FHL5: variants seen among roughly 807,000 people sequenced by gnomAD.
FHL5 encodes the protein four and a half LIM domains protein 5.
FHL5 carries 33 observed loss-of-function variants against 32.0 expected under a neutral mutation model. The observed-to-expected ratio is 1.03, with a 90% CI of 0.78 to 1.38. The LOEUF (loss-of-function observed/expected upper bound fraction) is 1.38. Ranked by LOEUF, FHL5 falls within the 40% of genes most tolerant of loss-of-function variation. The pLI, the probability that FHL5 is intolerant of heterozygous loss-of-function variation, is 0.00. For synonymous variants in FHL5, 114 were observed against 113.6 expected, an observed-to-expected ratio of 1.00 and a Z score of -0.02; for missense variants, 336 against 343.9, an observed-to-expected ratio of 0.98 and a Z score of 0.18.
At chr6:96,599,490 G>A (rs1390455214) in intron 1 of FHL5, among the ~76,000 whole-genome samples, 4 of 152,048 alleles carry the variant, frequency 2.6e-5, no homozygotes, top group Non-Finnish European at 5.9e-5. Context: ...CCACAGCACA[G>A]CCAAACTTAC....
At chr6:96,588,066 A>G (rs1456642945) in intron 1 of FHL5, among the ~76,000 whole-genome samples, 1 of 152,226 alleles carries the variant, frequency 6.6e-6, no homozygotes, top group African/African-American at 2.4e-5. Flanking sequence ...TTTCTCTCAA[A>G]TTTACACACT....
At chr6:96,587,445 TTA>T in intron 1 of FHL5, among the ~76,000 whole-genome samples, 1 of 152,318 alleles carries the variant, frequency 6.6e-6, no homozygotes, top group Middle Eastern at 3.4e-3. Context: ...TAGGAATGGA[TTA>T]TATGGCTGAT....
At chr6:96,593,841 A>T (rs899488628) in intron 1 of FHL5, among the ~76,000 whole-genome samples, 9 of 152,120 alleles carry the variant, frequency 5.9e-5, no homozygotes, top group Non-Finnish European at 1.3e-4. Flanking sequence ...CTTTTTAAGT[A>T]CACTTTTTAA....
intron 5 of FHL5, among the ~76,000 whole-genome samples, chr6:96,614,334 A>C (rs1252138734): frequency 6.6e-6 from 1 of 152,208 alleles, no homozygotes; most frequent in Non-Finnish European, 1.5e-5. Flanking sequence ...TAAGGGAATT[A>C]AGTAGTACAT....
chr6:96,614,661 C>G (rs1057338809), intron 5 of FHL5, among the ~76,000 whole-genome samples: 1 of 152,116 alleles, frequency 6.6e-6, no homozygotes, highest in Non-Finnish European at 1.5e-5. Flanking sequence ...ACTAAGATTA[C>G]TGGGAGAAAA....
intron 5 of FHL5, among the ~76,000 whole-genome samples, chr6:96,613,202 T>C (rs1481838601): frequency 1.3e-5 from 2 of 149,488 alleles, no homozygotes; most frequent in African/African-American, 2.5e-5. Flanking sequence ...TACAAAAACA[T>C]GTTATATAAT....
intron 1 of FHL5, among the ~76,000 whole-genome samples, chr6:96,567,560 G>A (rs1770383263): frequency 6.6e-6 from 1 of 151,620 alleles, no homozygotes; most frequent in Non-Finnish European, 1.5e-5. Flanking sequence ...CATTGAATTG[G>A]TAGATCACTT....
At chr6:96,564,885 G>T (rs1770319381) in intron 1 of FHL5, among the ~76,000 whole-genome samples, 2 of 152,052 alleles carry the variant, frequency 1.3e-5, no homozygotes, top group South Asian at 2.1e-4. Context: ...TGAAGGAGAG[G>T]AAGAGAAGAA....
chr6:96,578,607 CG>C (rs1196835647), intron 1 of FHL5, among the ~76,000 whole-genome samples: 1 of 152,024 alleles, frequency 6.6e-6, no homozygotes, highest in African/African-American at 2.4e-5. Context: ...TTTGGGAGGT[CG>C]AGGTGGGAGA....
chr6:96,599,964 T>C (rs1010526318), intron 1 of FHL5, among the ~76,000 whole-genome samples: 17 of 152,180 alleles, frequency 1.1e-4, no homozygotes, highest in Admixed American at 9.2e-4. Context: ...AATCACATAG[T>C]CCTCATCCTC....
At chr6:96,605,044 C>T (rs1771243974) in intron 3 of FHL5, 120 bp downstream of exon 3, 1 of 580,996 alleles carries the variant, frequency 1.7e-6, no homozygotes, top group South Asian at 3.2e-5. Context: ...ATCTTTCTTA[C>T]TCTCTCAATC....
At chr6:96,596,034 A>G (rs1178649557) in intron 1 of FHL5, among the ~76,000 whole-genome samples, 28 of 152,002 alleles carry the variant, frequency 1.8e-4, no homozygotes, top group Admixed American at 1.8e-3. Flanking sequence ...TTTTAGGCCT[A>G]GGATGATGGG....
chr6:96,586,539 T>C (rs138177656), intron 1 of FHL5, among the ~76,000 whole-genome samples: 20 of 152,250 alleles, frequency 1.3e-4, no homozygotes, highest in African/African-American at 4.8e-4. Flanking sequence ...GGAAGAAAGG[T>C]GAACTAATTT....
chr6:96,617,584 T>G lies in FHL5; in HGVS notation c.*1812T>G, dbSNP rs1771548842. 6.6e-6 allele frequency among the ~76,000 whole-genome samples: 1 copy of G among 152,206 alleles called. No homozygotes were observed. The highest frequency in any genetic ancestry group is 2.4e-5 in the African/African-American group (1 of 41,444). On this transcript the variant is annotated 3_prime_UTR_variant, in exon 6 of 6. Coordinates refer to ENST00000450218, the MANE Select transcript of FHL5 (RefSeq NM_001322466.2). ...CTATCAATATTTTTTCTGCATTATA[T>G]GAAATTTCACAGGTAGAACTAAATC...
At chr6:96,574,532 C>T (rs935220788) in intron 1 of FHL5, among the ~76,000 whole-genome samples, 34 of 152,008 alleles carry the variant, frequency 2.2e-4, no homozygotes, top group African/African-American at 7.3e-4. Flanking sequence ...AATGTAAAAG[C>T]GATGCTTAGG....
At chr6:96,615,499 G>A in intron 5 of FHL5, 110 bp from the exon 6 acceptor site, 1 of 800,372 alleles carries the variant, frequency 1.2e-6, no homozygotes, top group South Asian at 2.6e-5. Context: ...ATTTGCCTCT[G>A]CGTTGTTTTG....
chr6:96,584,461 T>TTG (rs781665593), intron 1 of FHL5, among the ~76,000 whole-genome samples: 4,227 of 85,198 alleles, frequency 0.05, 94 homozygotes, highest in South Asian at 0.066. Context: ...GTGTGTGTGT[T>TTG]TGTGTGTGTG....
rs770259141 is a variant in FHL5 at position 96,615,768 on chromosome 6, T to A, written c.851T>A (p.Ile284Asn). Reference sequence around the variant, plus strand: ...TGTGGCTCCGGAATGGACACTGACATCTAGGAGACAGTCCTTGCCCACCTA... The same window carrying A: ...TGTGGCTCCGGAATGGACACTGACAACTAGGAGACAGTCCTTGCCCACCTA... ...QKCGSGMDTD[I>N] Residue 284 changes from isoleucine (I) to asparagine (N), a missense_variant, in exon 6 of 6, where the codon ATC (isoleucine) becomes AAC (asparagine). Ile to Asn is a moderately radical substitution (Grantham distance 149). Coordinates refer to ENST00000450218, the MANE Select transcript of FHL5 (RefSeq NM_001322466.2). 6.2e-6 allele frequency: 10 copies of A among 1,604,350 alleles called. No homozygotes were observed. The highest frequency in any genetic ancestry group is 1.3e-5 in the African/African-American group (1 of 74,486).
chr6:96,612,672 A>G (rs578164913), intron 5 of FHL5, among the ~76,000 whole-genome samples: 155 of 152,310 alleles, frequency 1.0e-3, no homozygotes, highest in African/African-American at 3.7e-3. Context: ...ATTTTACCCA[A>G]AAGTAATCTA....
Sources: gnomAD v4.1 joint callset for allele counts (sites outside exome capture counted in the v4.1 genomes callset) on GRCh38, gnomAD v4.1.1 for gene constraint, MANE v1.5 for transcripts, NCBI Gene and HGNC (gene_info 2026-07-23, HGNC 2026-07-21) for gene names.